The following MARCHF3 variants were observed in gnomAD, a reference collection of about 807,000 sequenced individuals.
MARCHF3 encodes membrane associated ring-CH-type finger 3, also known as E3 ubiquitin-protein ligase MARCHF3.
Under a neutral mutation model 24.2 loss-of-function variants are expected in MARCHF3, and 13 were observed. That is an observed-to-expected ratio of 0.54 (90% CI 0.35 to 0.85). MARCHF3 has a LOEUF of 0.85. Among genes scored for constraint, MARCHF3 ranks in the 40% least tolerant of loss-of-function variants. MARCHF3 has a pLI of 0.01. For synonymous variants in MARCHF3, 144 were observed against 137.3 expected, an observed-to-expected ratio of 1.05 and a Z score of -0.34; for missense variants, 276 against 325.0, an observed-to-expected ratio of 0.85 and a Z score of 1.16.
At chr5:126,990,580 C>T (rs1323620621) in intron 1 of MARCHF3, among the ~76,000 whole-genome samples, 1 of 152,098 alleles carries the variant, frequency 6.6e-6, no homozygotes, top group African/African-American at 2.4e-5. Context: ...TTCTGCATGG[C>T]AAAAGAAACT....
At chr5:126,974,681 A>G (rs1273462606) in intron 1 of MARCHF3, among the ~76,000 whole-genome samples, 2 of 152,218 alleles carry the variant, frequency 1.3e-5, no homozygotes, top group African/African-American at 4.8e-5. Flanking sequence ...GGGAATCTTG[A>G]CCAAGATTTC....
intron 1 of MARCHF3, among the ~76,000 whole-genome samples, chr5:126,963,862 T>G (rs1750722252): frequency 6.6e-6 from 1 of 152,196 alleles, no homozygotes; most frequent in Non-Finnish European, 1.5e-5. Context: ...ATCTCTGTCA[T>G]TCTTTCTTAG....
intron 4 of MARCHF3, among the ~76,000 whole-genome samples, chr5:126,871,653 G>A (rs1450087725): frequency 6.6e-6 from 1 of 152,056 alleles, no homozygotes; most frequent in African/African-American, 2.4e-5. Flanking sequence ...AAATGAATGA[G>A]TGAATAAGCA....
chr5:126,901,188 C>T (rs928498804), intron 3 of MARCHF3, among the ~76,000 whole-genome samples: 1 of 152,068 alleles, frequency 6.6e-6, no homozygotes, highest in African/African-American at 2.4e-5. Context: ...TATACAAGCA[C>T]AACATAACTT....
intron 3 of MARCHF3, among the ~76,000 whole-genome samples, chr5:126,895,960 C>T (rs900824538): frequency 9.2e-5 from 14 of 152,096 alleles, no homozygotes; most frequent in African/African-American, 1.4e-4. Flanking sequence ...TAGCAATCAG[C>T]GAGAATCCGT....
intron 3 of MARCHF3, among the ~76,000 whole-genome samples, chr5:126,894,874 A>T (rs1753818534): frequency 6.6e-6 from 1 of 151,510 alleles, no homozygotes; most frequent in African/African-American, 2.4e-5. Flanking sequence ...TAGATTGGGG[A>T]AGTTCTCCTG....
chr5:126,929,830 G>C (rs1356693426), intron 1 of MARCHF3, among the ~76,000 whole-genome samples: 1 of 152,160 alleles, frequency 6.6e-6, no homozygotes, highest in Non-Finnish European at 1.5e-5. Context: ...CTGTTCTTGT[G>C]ATAGTGAATA....
In MARCHF3 at chr5:126,870,773, A is replaced by C; in HGVS notation, c.622T>G (p.Cys208Gly). 6.2e-7 allele frequency: 1 copy of C among 1,614,198 alleles called. No homozygotes were observed. The highest frequency in any genetic ancestry group is 1.1e-5 in the South Asian group (1 of 91,088). The change falls in exon 5 of 5, where the codon TGT (cysteine) becomes GGT (glycine). Residue 208 changes from cysteine to glycine, a missense_variant. Physicochemically the swap from Cys to Gly is radical, Grantham distance 159 (BLOSUM62 -3). Transcript: ENST00000308660. ...FWTLVSFRYH[C>G]RLYNEWRRTN... ...CGACGCCACTCGTTGTACAATCGACAGTGGTACCTAAATGACACCTGGGGA... is the reference window on the plus strand; with the variant it reads ...CGACGCCACTCGTTGTACAATCGACCGTGGTACCTAAATGACACCTGGGGA...
At chr5:127,000,656 A>C (rs2126850103) in intron 1 of MARCHF3, among the ~76,000 whole-genome samples, 1 of 152,272 alleles carries the variant, frequency 6.6e-6, no homozygotes, top group Middle Eastern at 3.4e-3. Flanking sequence ...AAAGGTGGTG[A>C]TCATTCATGA....
At chr5:126,974,452 T>A (rs183639447) in intron 1 of MARCHF3, among the ~76,000 whole-genome samples, 1 of 152,380 alleles carries the variant, frequency 6.6e-6, no homozygotes, top group African/African-American at 2.4e-5. Flanking sequence ...TTCTCCTCCA[T>A]ATTTTTCACT....
At chr5:126,995,591 C>A (rs987168358) in intron 1 of MARCHF3, among the ~76,000 whole-genome samples, 2 of 152,232 alleles carry the variant, frequency 1.3e-5, no homozygotes, top group Admixed American at 1.3e-4. Flanking sequence ...ATTCCTTTTA[C>A]AGACTTATTT....
At chr5:126,881,872 C>T (rs1753353887) in intron 3 of MARCHF3, among the ~76,000 whole-genome samples, 1 of 152,010 alleles carries the variant, frequency 6.6e-6, no homozygotes, top group Non-Finnish European at 1.5e-5. Flanking sequence ...GACAGACACA[C>T]AGAGTGAGAG....
intron 1 of MARCHF3, among the ~76,000 whole-genome samples, chr5:126,987,653 T>A (rs36091921): frequency 0.079 from 11,985 of 152,148 alleles, 955 homozygotes; most frequent in African/African-American, 0.21. Context: ...TAGAATATAT[T>A]GGAGAAAACT....
At chr5:127,006,267 A>G (rs1342850011) in intron 1 of MARCHF3, among the ~76,000 whole-genome samples, 1 of 152,032 alleles carries the variant, frequency 6.6e-6, no homozygotes, top group Non-Finnish European at 1.5e-5. Context: ...TGTCTTACCA[A>G]ATAATCACTA....
chr5:126,886,321 T>C (rs1753508917), intron 3 of MARCHF3, among the ~76,000 whole-genome samples: 2 of 152,208 alleles, frequency 1.3e-5, no homozygotes, highest in African/African-American at 4.8e-5. Flanking sequence ...AAAATCTTGA[T>C]CCCAGTTTTT....
intron 1 of MARCHF3, among the ~76,000 whole-genome samples, chr5:126,941,362 G>T (rs1749820507): frequency 6.6e-6 from 1 of 151,966 alleles, no homozygotes; most frequent in Admixed American, 6.6e-5. Context: ...AGGATTAGAA[G>T]TTCAAGCCTA....
At chr5:126,912,485 A>G (rs1754572482) in intron 3 of MARCHF3, among the ~76,000 whole-genome samples, 2 of 152,244 alleles carry the variant, frequency 1.3e-5, no homozygotes, top group African/African-American at 4.8e-5. Context: ...TGGTAAACAA[A>G]GTAATGATTA....
chr5:126,931,229 T>C (rs1259041204), intron 1 of MARCHF3, among the ~76,000 whole-genome samples: 1 of 152,162 alleles, frequency 6.6e-6, no homozygotes, highest in African/African-American at 2.4e-5. Context: ...GTGGTTTTTG[T>C]TGTAGTTGTT....
chr5:126,978,630 AAAAAAGACGTTTTCTTCATTC>A (rs1403717844), intron 1 of MARCHF3, among the ~76,000 whole-genome samples: 1 of 152,218 alleles, frequency 6.6e-6, no homozygotes, highest in Non-Finnish European at 1.5e-5. Context: ...CTAAGAAAAG[AAAAAAGACGTTTTCTTCATTC>A]AACATTCCCC....
Sources: allele counts gnomAD v4.1 joint callset (sites outside exome capture counted in the v4.1 genomes callset), GRCh38; gene constraint gnomAD v4.1.1; transcripts MANE v1.5; gene names NCBI Gene and HGNC (gene_info 2026-07-23, HGNC 2026-07-21).